Variants in MED24 observed in about 807,000 individuals in gnomAD.
MED24 encodes the protein mediator of RNA polymerase II transcription subunit 24.
Under a neutral mutation model 118.8 loss-of-function variants are expected in MED24, and 74 were observed. The observed-to-expected ratio is 0.62, with a 90% CI of 0.52 to 0.76. The LOEUF is 0.76. MED24 is among the 30% of genes least tolerant of loss of function. The pLI is 0.00. For missense variants in MED24, 1,041 were observed against 1,278.9 expected (o/e 0.81, Z 2.84); for synonymous variants, 521 against 523.9 (o/e 0.99, Z 0.08).
chr17:40,026,294 A>G lies in MED24; in HGVS notation c.1847T>C (p.Leu616Pro), dbSNP rs999810654. Residue 616 changes from leucine (L) to proline (P), a missense_variant, in exon 19 of 26, where the codon CTG becomes CCG. Transcript: ENST00000394128. ...AAGCCAAGCCACAGCACACACCGCC[A>G]GACTGCATACCTTCCCTTTGATGTT... ...TDNIKGKVCS[L>P]AVCAVAWLVA... 1.2e-6 allele frequency: 2 copies of G among 1,614,086 alleles called. No homozygotes were observed. Among genetic ancestry groups the G allele is most frequent in the African/African-American group, 2.7e-5 (2 of 74,942 alleles).
At position 40,047,994 on chromosome 17, in the gene MED24, T is replaced by G. The variant is rs1598372453; in HGVS notation, c.213+5304A>C. Among the ~76,000 whole-genome samples the G allele has an allele frequency of 2.0e-5, 3 of 152,382 alleles. No homozygotes were observed. The East Asian group carries it at 5.8e-4, about 29-fold the overall frequency. ...ATACACTCGCCTCGGCCTCCCAAAG[T>G]GCTGGGATTACAGGATTGAGCCACT... On this transcript the variant is annotated intron_variant, in intron 3 of 25. Coordinates refer to ENST00000394128, the MANE Select transcript of MED24 (RefSeq NM_014815.4).
In MED24 at chr17:40,019,339, T is replaced by C; in HGVS notation, c.*190A>G. ...CAGGTGCCAGCAGATGGAGAGGAAA[T>C]TTTGAAAGAAGAAACCGGGAGACAT... On this transcript the variant is annotated 3_prime_UTR_variant, in exon 26 of 26. Transcript: ENST00000394128. The C allele has an allele frequency of 1.7e-6, 1 of 593,562 alleles. No homozygotes were observed. Among genetic ancestry groups the C allele is most frequent in the Non-Finnish European group, 3.0e-6 (1 of 337,834 alleles). 36.8% of individuals were successfully genotyped at this position (593,562 alleles called of 1,614,324 possible).
chr17:40,030,793 A>G (rs984688101), intron 12 of MED24, among the ~76,000 whole-genome samples: 37 of 151,852 alleles, frequency 2.4e-4, no homozygotes, highest in African/African-American at 8.9e-4. Context: ...AGAGTAGCTG[A>G]GATTACAGGC....
intron 23 of MED24, 132 bp from the exon 24 acceptor site, chr17:40,020,485 G>A (rs1981842850): frequency 6.5e-7 from 1 of 1,539,468 alleles, no homozygotes; most frequent in Non-Finnish European, 8.8e-7. Context: ...AGAAGACCCT[G>A]AGATCAAGAG....
chr17:40,046,187 C>G (rs1985170384), intron 3 of MED24, among the ~76,000 whole-genome samples: 2 of 142,710 alleles, frequency 1.4e-5, no homozygotes, highest in Admixed American at 7.0e-5. Context: ...CGGGTTCACG[C>G]CATTCTCCTG....
chr17:40,026,383 C>T, intron 18 of MED24, 52 bp from the exon 19 acceptor site: 1 of 1,588,808 alleles, frequency 6.3e-7, no homozygotes, highest in Non-Finnish European at 8.6e-7. Context: ...TTTCTTGAGC[C>T]AACATCACCT....
In MED24 at chr17:40,033,064, G is replaced by C. The variant is rs779448481; in HGVS notation, c.814C>G (p.Arg272Gly). Residue 272 changes from arginine (R) to glycine (G), a missense_variant, in exon 8 of 26, where the codon CGC (arginine) becomes GGC (glycine). By Grantham distance (125) the Arg-to-Gly change is moderately radical. Coordinates refer to ENST00000394128, the MANE Select transcript of MED24 (RefSeq NM_014815.4). The surrounding 1 kb of genome is among the most constrained non-coding windows in gnomAD (Gnocchi z 5.2). ...SLVEQLTMVKRMQHIPTPLFV... is the reference protein window; with the variant it reads ...SLVEQLTMVKGMQHIPTPLFV... ...CACTCGGCCCCTCCCACCTGCATGC[G>C]CTTCACCATCGTCAGCTGCTCCACC... 15 of 1,613,876 alleles carry C rather than the reference G, an allele frequency of 9.3e-6. No individual in the cohort carries two copies. The highest frequency in any genetic ancestry group is 2.2e-5 in the East Asian group (1 of 44,874).
chr17:40,046,557 A>G (rs948540471), intron 3 of MED24, among the ~76,000 whole-genome samples: 6 of 145,298 alleles, frequency 4.1e-5, no homozygotes, highest in Non-Finnish European at 9.1e-5. Context: ...CATCCCGGCT[A>G]AAACGGTGAA....
At position 40,054,385 on chromosome 17, in the gene MED24, G is replaced by A. The variant is rs1986133066; in HGVS notation, c.-62C>T. ...CCGCACAATCCAGTTCTAGGTGGTA[G>A]GCATCGCCATTTTGGCACTTGTCAA... is the stretch of plus-strand genomic sequence containing the variant. On this transcript the variant is annotated 5_prime_UTR_variant, in exon 1 of 26. Coordinates refer to ENST00000394128, the MANE Select transcript of MED24 (RefSeq NM_014815.4). 1 of 152,374 alleles carries A rather than the reference G, an allele frequency of 6.6e-6. No homozygotes were observed. The highest frequency in any genetic ancestry group is 6.6e-5 in the Admixed American group (1 of 15,258). 9.4% of individuals were successfully genotyped at this position (152,374 alleles called of 1,614,324 possible). A position where few individuals can be genotyped will look rare whatever the true frequency, so the allele number is the denominator to read the frequency against.
intron 6 of MED24, among the ~76,000 whole-genome samples, chr17:40,034,592 C>T (rs964261843): frequency 6.6e-6 from 1 of 152,208 alleles, no homozygotes; most frequent in Non-Finnish European, 1.5e-5. Context: ...AACTTAACAT[C>T]TGAACTTGAG....
At chr17:40,027,295 G>A in intron 16 of MED24, 88 bp downstream of exon 16, 1 of 1,422,172 alleles carries the variant, frequency 7.0e-7, no homozygotes, top group East Asian at 2.5e-5. Flanking sequence ...CTGGCTGAGA[G>A]GCTGCGGGGG....
At position 40,033,225 on chromosome 17, in the gene MED24, AGGGGACGGTGTTTGG is replaced by A; in HGVS notation, c.672-34_672-20del. The A allele has an allele frequency of 6.2e-7, 1 of 1,613,440 alleles. No homozygotes were observed. Among genetic ancestry groups the A allele is most frequent in the Non-Finnish European group, 8.5e-7 (1 of 1,179,968 alleles). On this transcript the variant is annotated intron_variant, in intron 7 of 25. Coordinates refer to ENST00000394128, the MANE Select transcript of MED24 (RefSeq NM_014815.4). The surrounding 1 kb of genome is among the most constrained non-coding windows in gnomAD (Gnocchi z 5.2). ...GGGGATGCTGAGGGGTCACAAACAC[AGGGGACGGTGTTTGG>A]GGGGCCAAAGGTGAAGGCGGAGAGG...
rs371645900 is a variant in MED24 at position 40,044,216 on chromosome 17, A to G, written c.214-8062T>C. 3.3e-5 allele frequency among the ~76,000 whole-genome samples: 5 copies of G among 151,468 alleles called. No individual in the cohort carries two copies. The East Asian group carries it at 9.8e-4, about 30-fold the overall frequency. On this transcript the variant is annotated intron_variant, in intron 3 of 25. Transcript: ENST00000394128. Reference sequence around the variant, plus strand: ...TATTTGTGTATTTATGAATACATAAATTATGTATTCATAAATACATAGGCC... The same window carrying G: ...TATTTGTGTATTTATGAATACATAAGTTATGTATTCATAAATACATAGGCC...
intron 15 of MED24, 34 bp from the exon 16 acceptor site, chr17:40,027,499 G>A (rs375257194): frequency 6.3e-6 from 10 of 1,578,678 alleles, no homozygotes; most frequent in East Asian, 2.3e-5. Flanking sequence ...GCTCCCAGAC[G>A]AGGGCAGGGG....
rs148932974 is a variant in MED24 at position 40,019,609 on chromosome 17, G to A, written c.2890C>T (p.Pro964Ser). 4.4e-6 allele frequency: 7 copies of A among 1,606,136 alleles called. No individual in the cohort carries two copies. Among genetic ancestry groups the A allele is most frequent in the Non-Finnish European group, 6.0e-6 (7 of 1,175,548 alleles). The change falls in exon 26 of 26, where the codon CCC (proline) becomes TCC (serine). Residue 964 changes from proline to serine, a missense_variant. Physicochemically the swap from Pro to Ser is moderately conservative, Grantham distance 74. Around this residue, in one of 3 missense-constraint regions of MED24, gnomAD observed 587 missense variants for 694.4 expected, o/e 0.85. Coordinates refer to ENST00000394128, the MANE Select transcript of MED24 (RefSeq NM_014815.4). ...TCCGTGATGGCCAGAACCACCTTGG[G>A]GCTGGACATGGCTGACACCTTCACC... Reference protein sequence around the residue: ...ELVKVSAMSSPKVVLAITDLS... With the variant: ...ELVKVSAMSSSKVVLAITDLS...
In MED24 at chr17:40,019,365, C is replaced by T; in HGVS notation, c.*164G>A. ...TTTGAAAGAAGAAACCGGGAGACATCCTGGAGGTCAGGAGTCAGGAGCGGG... is the reference window on the plus strand; with the variant it reads ...TTTGAAAGAAGAAACCGGGAGACATTCTGGAGGTCAGGAGTCAGGAGCGGG... On this transcript the variant is annotated 3_prime_UTR_variant, in exon 26 of 26. Transcript: ENST00000394128. 1 of 640,662 alleles carries T rather than the reference C, an allele frequency of 1.6e-6. No homozygotes were observed. Among genetic ancestry groups the T allele is most frequent in the Non-Finnish European group, 2.7e-6 (1 of 368,254 alleles). 39.7% of individuals were successfully genotyped at this position (640,662 alleles called of 1,614,324 possible).
Position 40,029,835 on chromosome 17 carries a change from G to A in MED24, c.1179C>T (p.Pro393=). ...AKRKADREHA[P]QQKSGENANI... ...TGGCATTCTCTCCCGATTTCTGCTG[G>A]GGTGCGTGCTCTCGGTCCGCTTTGC... The change falls in exon 13 of 26, where the codon CCC becomes CCT. Residue 393 remains proline (P), a synonymous_variant. Transcript: ENST00000394128. The A allele has an allele frequency of 6.2e-7, 1 of 1,614,166 alleles. No individual in the cohort carries two copies. Among genetic ancestry groups the A allele is most frequent in the Non-Finnish European group, 8.5e-7 (1 of 1,180,014 alleles).
rs35743512 is a variant in MED24 at position 40,043,890 on chromosome 17, C to CAAAAAAAAAAAAAAAAAAAAAAAAAAA, written c.214-7737_214-7736insTTTTTTTTTTTTTTTTTTTTTTTTTTT. Among the ~76,000 whole-genome samples the CAAAAAAAAAAAAAAAAAAAAAAAAAAA allele has an allele frequency of 1.2e-3, 113 of 97,414 alleles. 7 individuals carry two copies. Among genetic ancestry groups the CAAAAAAAAAAAAAAAAAAAAAAAAAAA allele is most frequent in the African/African-American group, 1.5e-3 (40 of 27,130 alleles). The allele number at this position is 97,414 out of a possible 152,430, so 63.9% of individuals were successfully genotyped here. ...TGGGCAGAAGAGCGAGACTCCATCT[C>CAAAAAAAAAAAAAAAAAAAAAAAAAAA]AAAAAAAAAAAAAACAAAGATTTAA... On this transcript the variant is annotated intron_variant, in intron 3 of 25. Transcript: ENST00000394128.
At position 40,022,690 on chromosome 17, in the gene MED24, G is replaced by A. The variant is rs781552507; in HGVS notation, c.2387C>T (p.Ser796Phe). ...HILPGLLTDS[S>F]KWHSLMDPPG... ...GGGGTCCATGAGGCTGTGCCACTTGGAGGAGTCAGTGAGCAGGCCAGGTAG... is the reference window on the plus strand; with the variant it reads ...GGGGTCCATGAGGCTGTGCCACTTGAAGGAGTCAGTGAGCAGGCCAGGTAG... Residue 796 changes from serine (S) to phenylalanine (F), a missense_variant, in exon 21 of 26, where the codon TCC becomes TTC. By Grantham distance (155) the Ser-to-Phe change is radical. Coordinates refer to ENST00000394128, the MANE Select transcript of MED24 (RefSeq NM_014815.4). 8.7e-6 allele frequency: 14 copies of A among 1,613,772 alleles called. No individual in the cohort carries two copies. Among genetic ancestry groups the A allele is most frequent in the Admixed American group, 5.0e-5 (3 of 59,976 alleles).
Sources: allele counts gnomAD v4.1 joint callset (sites outside exome capture counted in the v4.1 genomes callset), GRCh38; gene constraint gnomAD v4.1.1; regional missense constraint gnomAD v4.1.1; non-coding constraint Gnocchi (gnomAD v3.1); transcripts MANE v1.5; gene names NCBI Gene and HGNC (gene_info 2026-07-23, HGNC 2026-07-21).